The following SLC8A3 variants were observed in gnomAD, a reference collection of about 807,000 sequenced individuals.
SLC8A3 encodes the protein sodium/calcium exchanger 3.
Under a neutral mutation model 65.4 loss-of-function variants are expected in SLC8A3, and 37 were observed. That is an observed-to-expected ratio of 0.57 (90% CI 0.44 to 0.74). SLC8A3 has a LOEUF of 0.74. Among genes scored for constraint, SLC8A3 ranks in the 30% least tolerant of loss-of-function variants. SLC8A3 has a pLI of 0.00. For synonymous variants in SLC8A3, 461 were observed against 444.5 expected (o/e 1.04, Z -0.47); for missense variants, 1,112 against 1,172.1 (o/e 0.95, Z 0.75).
intron 3 of SLC8A3, among the ~76,000 whole-genome samples, chr14:70,053,932 T>G (rs1887782808): frequency 6.6e-6 from 1 of 152,256 alleles, no homozygotes; most frequent in African/African-American, 2.4e-5. Flanking sequence ...ATTCAAATGT[T>G]GTTAATTTCT....
chr14:70,080,943 T>A (rs147663038), intron 2 of SLC8A3, among the ~76,000 whole-genome samples: 121 of 152,342 alleles, frequency 7.9e-4, no homozygotes, highest in African/African-American at 2.8e-3. Context: ...ACTTGCCCAA[T>A]GTCACACAGC....
At chr14:70,149,040 A>T (rs1413306126) in intron 2 of SLC8A3, among the ~76,000 whole-genome samples, 1 of 152,204 alleles carries the variant, frequency 6.6e-6, no homozygotes, top group African/African-American at 2.4e-5. Context: ...AGGGAAGCAC[A>T]GAGTGGTCAG....
intron 2 of SLC8A3, among the ~76,000 whole-genome samples, chr14:70,085,945 T>C (rs1594959326): frequency 6.6e-6 from 1 of 152,202 alleles, no homozygotes; most frequent in Non-Finnish European, 1.5e-5. Flanking sequence ...TAATAAATGA[T>C]AGAGACAGAA....
At chr14:70,183,836 C>G (rs1486085385) in intron 1 of SLC8A3, among the ~76,000 whole-genome samples, 1 of 152,136 alleles carries the variant, frequency 6.6e-6, no homozygotes, top group South Asian at 2.1e-4. Context: ...CTTCCTGTAC[C>G]CAGCTATCAC....
intron 5 of SLC8A3, among the ~76,000 whole-genome samples, chr14:70,049,759 G>T (rs1349371130): frequency 6.6e-6 from 1 of 152,202 alleles, no homozygotes; most frequent in Non-Finnish European, 1.5e-5. Flanking sequence ...TGACCTGACT[G>T]CTGCAATAAC....
chr14:70,075,123 ATGTG>A (rs138928899), intron 2 of SLC8A3, among the ~76,000 whole-genome samples: 5 of 151,022 alleles, frequency 3.3e-5, no homozygotes, highest in African/African-American at 9.7e-5. Flanking sequence ...AACTGTGTGT[ATGTG>A]TGTGTGTGTG....
At position 70,051,065 on chromosome 14, in the gene SLC8A3, C is replaced by T. The variant is rs374077897; in HGVS notation, c.2056G>A (p.Val686Ile). ...TCCCTCCAGGAATGGGTCCCCACAA[C>T]CAAGGCCAGGTTTGTCTTCTTGATC... is the stretch of plus-strand genomic sequence containing the variant. ...KLIKKTNLAL[V>I]VGTHSWRDQF... Residue 686 changes from valine to isoleucine, a missense_variant, in exon 5 of 7, where the codon GTT becomes ATT. Coordinates refer to ENST00000356921, the MANE Select transcript of SLC8A3 (RefSeq NM_182932.3). 2 of 1,613,784 alleles carry T rather than the reference C, an allele frequency of 1.2e-6. No homozygotes were observed. The highest frequency in any genetic ancestry group is 1.7e-6 in the Non-Finnish European group (2 of 1,179,708).
rs755344811 is a variant in SLC8A3, at chr14:70,052,084, T to C, written c.1919A>G (p.Glu640Gly). ...DVTDRKLTME[E>G]EEAKRIAEMG... is the part of the protein sequence containing the mutation. The stretch of plus-strand genomic sequence containing the variant: ...CTCTGCTATCCTCTTGGCCTCCTCT[T>C]CTTCCATAGTCAGCTTCCTGTCTGT... Residue 640 changes from glutamate (E) to glycine (G), a missense_variant, in exon 4 of 7, where the codon GAA (glutamate) becomes GGA (glycine). Coordinates refer to ENST00000356921, the MANE Select transcript of SLC8A3 (RefSeq NM_182932.3). 6.9e-6 allele frequency: 11 copies of C among 1,604,230 alleles called. No homozygotes were observed. The highest frequency in any genetic ancestry group is 9.3e-6 in the Non-Finnish European group (11 of 1,177,434).
intron 2 of SLC8A3, among the ~76,000 whole-genome samples, chr14:70,083,278 C>T (rs1292064789): frequency 6.6e-6 from 1 of 152,182 alleles, no homozygotes; most frequent in Non-Finnish European, 1.5e-5. Flanking sequence ...GGACAAAATG[C>T]TTCCCCATGC....
chr14:70,079,961 T>G (rs1264201705), intron 2 of SLC8A3: 1 of 368,326 alleles, frequency 2.7e-6, no homozygotes, highest in African/African-American at 2.2e-5. Flanking sequence ...GCCAAATCTC[T>G]TACCTCTTTG....
In SLC8A3 at chr14:70,141,271, A is replaced by G. The variant is rs1451615825; in HGVS notation, c.1784+25368T>C. ...AGACTCTGTTGGAAATGTATTCAGC[A>G]TGTATCACCCCATTTAGACCTTGCT... On this transcript the variant is annotated intron_variant, in intron 2 of 6. Coordinates refer to ENST00000356921, the MANE Select transcript of SLC8A3 (RefSeq NM_182932.3). 1.6e-4 allele frequency among the ~76,000 whole-genome samples: 25 copies of G among 152,222 alleles called. 1 individual carries two copies. Among genetic ancestry groups the G allele is most frequent in the Admixed American group, 1.6e-3 (25 of 15,280 alleles).
At chr14:70,168,635 G>A (rs576192757) in intron 1 of SLC8A3, among the ~76,000 whole-genome samples, 151 bp from the exon 2 acceptor site, 1 of 152,282 alleles carries the variant, frequency 6.6e-6, no homozygotes, top group South Asian at 2.1e-4. Flanking sequence ...GATGTCAATG[G>A]GAGGCACAAA....
chr14:70,160,204 G>A (rs1896804192), intron 2 of SLC8A3, among the ~76,000 whole-genome samples: 2 of 152,126 alleles, frequency 1.3e-5, no homozygotes. Flanking sequence ...CAGCTTTTTG[G>A]GAGGCCAAGG....
intron 2 of SLC8A3, among the ~76,000 whole-genome samples, chr14:70,109,082 T>G (rs1275494441): frequency 6.6e-6 from 1 of 152,144 alleles, no homozygotes; most frequent in African/African-American, 2.4e-5. Flanking sequence ...TATATATTTA[T>G]TTTTTATTTA....
At chr14:70,131,220 T>C (rs1337914020) in intron 2 of SLC8A3, among the ~76,000 whole-genome samples, 1 of 149,500 alleles carries the variant, frequency 6.7e-6, no homozygotes, top group Admixed American at 6.7e-5. Context: ...GAGCTTGGAC[T>C]GCAGAAGGCC....
chr14:70,151,369 T>C (rs1483306154), intron 2 of SLC8A3, among the ~76,000 whole-genome samples: 1 of 152,112 alleles, frequency 6.6e-6, no homozygotes, highest in Admixed American at 6.5e-5. Flanking sequence ...GATTGGGGTA[T>C]GTGGCTTAGA....
At chr14:70,091,244 C>A (rs779596567) in intron 2 of SLC8A3, among the ~76,000 whole-genome samples, 1 of 152,140 alleles carries the variant, frequency 6.6e-6, no homozygotes, top group Non-Finnish European at 1.5e-5. Flanking sequence ...AATTTTATGG[C>A]AGCAGAGCTC....
chr14:70,128,235 A>G (rs570748401), intron 2 of SLC8A3, among the ~76,000 whole-genome samples: 28 of 152,194 alleles, frequency 1.8e-4, no homozygotes, highest in African/African-American at 6.5e-4. Context: ...CTTCTTATCT[A>G]TCTCCCTTAT....
At chr14:70,110,042 T>A (rs1249053465) in intron 2 of SLC8A3, among the ~76,000 whole-genome samples, 8 of 152,156 alleles carry the variant, frequency 5.3e-5, no homozygotes, top group Non-Finnish European at 7.3e-5. Context: ...TTCTTAATTT[T>A]TTTTTTTACT....
Sources: gnomAD v4.1 joint callset for allele counts (sites outside exome capture counted in the v4.1 genomes callset) on GRCh38, gnomAD v4.1.1 for gene constraint, MANE v1.5 for transcripts, NCBI Gene and HGNC (gene_info 2026-07-23, HGNC 2026-07-21) for gene names.